The following EVA1C variants were observed in gnomAD, a reference collection of about 807,000 sequenced individuals.
The protein encoded by EVA1C is protein eva-1 homolog C.
In EVA1C, 25 loss-of-function variants were observed where a neutral mutation model predicts 45.4. The ratio of observed to expected loss-of-function variants is 0.55; its 90% CI spans 0.40 to 0.77. The LOEUF (loss-of-function observed/expected upper bound fraction) is 0.77, where lower values mean the gene tolerates loss of function less well. Ranked by LOEUF, EVA1C falls within the 30% of genes least tolerant of loss-of-function variation. The pLI is 0.00. For synonymous variants in EVA1C, 190 were observed against 221.2 expected (o/e 0.86, Z 1.25); for missense variants, 479 against 554.8 (o/e 0.86, Z 1.37).
intron 4 of EVA1C, among the ~76,000 whole-genome samples, chr21:32,491,417 G>A (rs1450993525): frequency 2.0e-5 from 3 of 152,128 alleles, no homozygotes; most frequent in Non-Finnish European, 2.9e-5. Flanking sequence ...GGCCGGGCAC[G>A]GTGGCTCACG....
chr21:32,467,895 GAATT>G, intron 4 of EVA1C, 47 bp downstream of exon 4: 1 of 1,227,768 alleles, frequency 8.1e-7, no homozygotes, highest in Non-Finnish European at 1.1e-6. Flanking sequence ...TAGAGGGACA[GAATT>G]AATAGAATAT....
Position 32,503,944 on chromosome 21 carries a change from G to A in EVA1C, c.878G>A (p.Ser293Asn), listed in dbSNP as rs746208691. 10 of 1,610,982 alleles carry A rather than the reference G, an allele frequency of 6.2e-6. No homozygotes were observed. Among genetic ancestry groups the A allele is most frequent in the Admixed American group, 1.7e-5 (1 of 59,870 alleles). Residue 293 changes from serine (S) to asparagine (N), a missense_variant, in exon 7 of 8, where the codon AGC (serine) becomes AAC (asparagine). This residue lies in a region of EVA1C where 366 missense variants were observed against 426.1 expected (regional missense o/e 0.86). Coordinates refer to ENST00000300255, the MANE Select transcript of EVA1C (RefSeq NM_058187.5). ...GAAACAGGTATAAACTTCGACCCAA[G>A]CGGATCGAAGGTTCTGAGGAAAGAT... ...DGEYGINFDP[S>N]GSKVLRKDGI... is the part of the protein sequence containing the mutation.
intron 5 of EVA1C, among the ~76,000 whole-genome samples, chr21:32,499,521 T>G (rs2037461001): frequency 6.6e-6 from 1 of 152,272 alleles, no homozygotes; most frequent in African/African-American, 2.4e-5. Flanking sequence ...CGTGGAAAAC[T>G]CACAATCTAG....
intron 1 of EVA1C, among the ~76,000 whole-genome samples, chr21:32,424,732 C>T (rs1005042040): frequency 1.3e-5 from 2 of 152,206 alleles, no homozygotes; most frequent in Admixed American, 6.5e-5. Flanking sequence ...GAGAACCACA[C>T]AGAGCAGATC....
At chr21:32,510,176 G>C (rs755694752) in intron 7 of EVA1C, among the ~76,000 whole-genome samples, 1 of 150,730 alleles carries the variant, frequency 6.6e-6, no homozygotes, top group Non-Finnish European at 1.5e-5. Flanking sequence ...AGCCTCCCAA[G>C]TAGCTGGGAC....
rs2037364644 is a variant in EVA1C at position 32,496,778 on chromosome 21, G to T, written c.778+1608G>T. 7.5e-5 allele frequency: 53 copies of T among 710,004 alleles called. 1 individual carries two copies. In the South Asian group the frequency reaches 7.8e-4, roughly 10 times the overall value. The allele number at this position is 710,004 out of a possible 1,614,324, so 44.0% of individuals were successfully genotyped here. On this transcript the variant is annotated intron_variant, in intron 5 of 7. Coordinates refer to ENST00000300255, the MANE Select transcript of EVA1C (RefSeq NM_058187.5). ...CGGGGACCGGGAAAGCTGAGACACTGCTGGGCTGGGGCCGCCATAGCCCTG... is the reference window on the plus strand; with the variant it reads ...CGGGGACCGGGAAAGCTGAGACACTTCTGGGCTGGGGCCGCCATAGCCCTG...
At chr21:32,508,443 T>G (rs2037845228) in intron 7 of EVA1C, among the ~76,000 whole-genome samples, 1 of 152,126 alleles carries the variant, frequency 6.6e-6, no homozygotes. Context: ...AGGGAGGAAC[T>G]CTAGGGCCAC....
chr21:32,448,894 G>T (rs539062957), intron 1 of EVA1C, among the ~76,000 whole-genome samples: 37 of 129,046 alleles, frequency 2.9e-4, no homozygotes, highest in South Asian at 9.9e-4. Context: ...GGGTGACAAA[G>T]AAAAAAAAAG....
At chr21:32,462,884 T>C (rs2036050019) in intron 3 of EVA1C, among the ~76,000 whole-genome samples, 1 of 152,230 alleles carries the variant, frequency 6.6e-6, no homozygotes, top group Admixed American at 6.5e-5. Context: ...ACAATGCTTA[T>C]CACTGGCTTG....
chr21:32,422,426 A>G (rs1372557394), intron 1 of EVA1C, among the ~76,000 whole-genome samples: 5 of 152,256 alleles, frequency 3.3e-5, no homozygotes. Context: ...GGCAACACTC[A>G]AAGTGATGGT....
intron 6 of EVA1C, 128 bp from the exon 7 acceptor site, chr21:32,503,798 C>T: frequency 4.9e-6 from 3 of 615,980 alleles, no homozygotes; most frequent in South Asian, 4.4e-5. Flanking sequence ...AGCCAGAGGC[C>T]CATTTGTTTG....
rs565328798 is a variant in EVA1C at position 32,495,164 on chromosome 21, G to T, written c.772G>T (p.Ala258Ser). 4 of 1,613,934 alleles carry T rather than the reference G, an allele frequency of 2.5e-6. No individual in the cohort carries two copies. In the Admixed American group the frequency reaches 5.0e-5, roughly 20 times the overall value. ...GAAAAAATACCTCACTGTGACCTAC[G>T]CATGTGGTAAGAACACACCCCCGAC... ...GVKKYLTVTY[A>S]CVPKNILTAI... Residue 258 changes from alanine (A) to serine (S), a missense_variant, in exon 5 of 8, where the codon GCA (alanine) becomes TCA (serine). By Grantham distance (99) the Ala-to-Ser change is moderately conservative. Transcript: ENST00000300255.
At chr21:32,415,717 C>A (rs942138899) in intron 1 of EVA1C, among the ~76,000 whole-genome samples, 4 of 152,146 alleles carry the variant, frequency 2.6e-5, no homozygotes, top group African/African-American at 9.7e-5. Flanking sequence ...AGTAAACAGG[C>A]TCCCCAAACA....
At chr21:32,510,043 CTTTTTTTTTTTTT>C (rs58017017) in intron 7 of EVA1C, among the ~76,000 whole-genome samples, 2 of 114,532 alleles carry the variant, frequency 1.7e-5, no homozygotes, top group Middle Eastern at 4.4e-3. Flanking sequence ...TCCGACATTC[CTTTTTTTTTTTTT>C]TTTTTTTTGA....
At chr21:32,485,457 C>T (rs543547331) in intron 4 of EVA1C, among the ~76,000 whole-genome samples, 283 of 152,310 alleles carry the variant, frequency 1.9e-3, no homozygotes, top group Non-Finnish European at 2.7e-3. Context: ...GCCACCGTGC[C>T]TGGCCACTCC....
At position 32,474,042 on chromosome 21, in the gene EVA1C, C is replaced by A; in HGVS notation, c.634+6194C>A. 1 of 719,254 alleles carries A rather than the reference C, an allele frequency of 1.4e-6. No individual in the cohort carries two copies. Among genetic ancestry groups the A allele is most frequent in the Non-Finnish European group, 1.7e-6 (1 of 587,034 alleles). 44.6% of individuals were successfully genotyped at this position (719,254 alleles called of 1,614,324 possible). Reference sequence around the variant, plus strand: ...TCATGGGCTCAAGCAATTCTCTCACCTCAGCCTCCTGAGTAGCTGGGACTA... The same window carrying A: ...TCATGGGCTCAAGCAATTCTCTCACATCAGCCTCCTGAGTAGCTGGGACTA... On this transcript the variant is annotated intron_variant, in intron 4 of 7. Coordinates refer to ENST00000300255, the MANE Select transcript of EVA1C (RefSeq NM_058187.5). The surrounding 1 kb of genome is among the most constrained non-coding windows in gnomAD (Gnocchi z 4.4).
intron 7 of EVA1C, among the ~76,000 whole-genome samples, chr21:32,511,180 C>T (rs967653204): frequency 6.6e-6 from 1 of 152,148 alleles, no homozygotes; most frequent in African/African-American, 2.4e-5. Context: ...CTTTGGGAAG[C>T]TGAGGCGGGC....
intron 1 of EVA1C, among the ~76,000 whole-genome samples, chr21:32,448,959 G>GAGAGAA (rs1601291614): frequency 1.1e-5 from 1 of 87,408 alleles, no homozygotes; most frequent in African/African-American, 6.2e-5. Context: ...AGAAAGAAAA[G>GAGAGAA]AGAAAGAAAA....
chr21:32,429,820 CTAG>C (rs1179446027), intron 1 of EVA1C, among the ~76,000 whole-genome samples: 2 of 152,130 alleles, frequency 1.3e-5, no homozygotes, highest in Non-Finnish European at 2.9e-5. Context: ...ATGAATTCTC[CTAG>C]TAAATTTATT....
Sources: allele counts gnomAD v4.1 joint callset (sites outside exome capture counted in the v4.1 genomes callset), GRCh38; gene constraint gnomAD v4.1.1; regional missense constraint gnomAD v4.1.1; non-coding constraint Gnocchi (gnomAD v3.1); transcripts MANE v1.5; gene names NCBI Gene and HGNC (gene_info 2026-07-23, HGNC 2026-07-21).